Variants in TMEM135 observed in about 807,000 individuals in gnomAD.
TMEM135 encodes the protein peroxisomal membrane protein 52.
TMEM135 carries 30 observed loss-of-function variants against 60.3 expected under a neutral mutation model. The ratio of observed to expected loss-of-function variants is 0.50; its 90% CI spans 0.37 to 0.68. The LOEUF (loss-of-function observed/expected upper bound fraction) is 0.68. TMEM135 is among the 30% of genes least tolerant of loss of function. The pLI is 0.00. For synonymous variants in TMEM135, 190 were observed against 186.7 expected (o/e 1.02, Z -0.14); for missense variants, 468 against 548.8 (o/e 0.85, Z 1.47).
chr11:87,328,505 C>T lies in TMEM135; in HGVS notation c.*7172C>T, dbSNP rs1942946994. ...CAATATATAGCTTTTTATTCCTTCC[C>T]CTTCTGAGTCTCCATAGTCCATTAT... On this transcript the variant is annotated 3_prime_UTR_variant, in exon 15 of 15. Coordinates refer to ENST00000305494, the MANE Select transcript of TMEM135 (RefSeq NM_022918.4). The T allele has an allele frequency of 4.4e-6, 2 of 453,862 alleles. No individual in the cohort carries two copies. The highest frequency in any genetic ancestry group is 8.8e-6 in the Non-Finnish European group (2 of 226,754). 28.1% of individuals were successfully genotyped at this position (453,862 alleles called of 1,614,324 possible).
chr11:87,164,767 T>G (rs1200844245), intron 5 of TMEM135, among the ~76,000 whole-genome samples: 1 of 29,528 alleles, frequency 3.4e-5, no homozygotes, highest in African/African-American at 2.3e-4. Context: ...CCCTTGTAAG[T>G]TGGATTCCTA....
chr11:87,139,808 TC>T (rs1938213255), intron 4 of TMEM135, among the ~76,000 whole-genome samples: 1 of 152,216 alleles, frequency 6.6e-6, no homozygotes, highest in African/African-American at 2.4e-5. Context: ...ATATTGAACA[TC>T]TTTTTGTTGG....
chr11:87,300,283 A>G (rs1409173909), intron 7 of TMEM135, among the ~76,000 whole-genome samples: 2 of 152,246 alleles, frequency 1.3e-5, no homozygotes, highest in East Asian at 1.9e-4. Context: ...TTTGAAAATT[A>G]TCTGTGTATA....
At chr11:87,058,732 G>T (rs1221620739) in intron 1 of TMEM135, among the ~76,000 whole-genome samples, 2 of 151,988 alleles carry the variant, frequency 1.3e-5, no homozygotes, top group East Asian at 3.9e-4. Flanking sequence ...CCATTGTCCT[G>T]CCTCAGCCTC....
chr11:87,263,728 T>A (rs11235057), intron 6 of TMEM135, among the ~76,000 whole-genome samples: 53,659 of 151,946 alleles, frequency 0.35, 10,021 homozygotes, highest in Non-Finnish European at 0.42. Context: ...AAGCATTGTC[T>A]ATTTTCTGGT....
At chr11:87,069,303 A>G (rs1458225864) in intron 2 of TMEM135, among the ~76,000 whole-genome samples, 4 of 151,398 alleles carry the variant, frequency 2.6e-5, no homozygotes, top group African/African-American at 9.7e-5. Context: ...AAAAAAAAAA[A>G]AAAAAGAAGA....
At chr11:87,162,162 T>C (rs934256525) in intron 5 of TMEM135, among the ~76,000 whole-genome samples, 1 of 152,176 alleles carries the variant, frequency 6.6e-6, no homozygotes, top group Admixed American at 6.6e-5. Context: ...GGGGTTCAAT[T>C]AATTCAGAAG....
intron 6 of TMEM135, among the ~76,000 whole-genome samples, chr11:87,276,444 CTTACT>C (rs1317372954): frequency 6.6e-6 from 1 of 151,858 alleles, no homozygotes; most frequent in Non-Finnish European, 1.5e-5. Context: ...ATCAGGTCTT[CTTACT>C]TTAATCTTAG....
At chr11:87,105,628 G>A (rs1008312361) in intron 4 of TMEM135, among the ~76,000 whole-genome samples, 3 of 151,952 alleles carry the variant, frequency 2.0e-5, no homozygotes, top group Non-Finnish European at 4.4e-5. Flanking sequence ...CACTTAAATG[G>A]ATATATATTA....
intron 6 of TMEM135, among the ~76,000 whole-genome samples, chr11:87,266,159 C>T (rs1053269362): frequency 3.3e-5 from 5 of 152,136 alleles, no homozygotes; most frequent in Admixed American, 2.0e-4. Flanking sequence ...TACATATGCT[C>T]TTGAGGAGCC....
At chr11:87,215,079 C>T (rs1940467034) in intron 5 of TMEM135, among the ~76,000 whole-genome samples, 1 of 151,930 alleles carries the variant, frequency 6.6e-6, no homozygotes. Context: ...AAATTGTTTA[C>T]AGAAGGTGTC....
intron 5 of TMEM135, among the ~76,000 whole-genome samples, chr11:87,178,772 C>A (rs1453137212): frequency 6.6e-6 from 1 of 151,490 alleles, no homozygotes; most frequent in Non-Finnish European, 1.5e-5. Context: ...TTTTTTTTCC[C>A]TTTTCATGAC....
At chr11:87,039,202 T>A (rs945880663) in intron 1 of TMEM135, among the ~76,000 whole-genome samples, 26 of 152,244 alleles carry the variant, frequency 1.7e-4, no homozygotes, top group African/African-American at 6.0e-4. Context: ...TCTTGAAAAG[T>A]CTGATTATGT....
intron 5 of TMEM135, among the ~76,000 whole-genome samples, chr11:87,163,993 G>C (rs1235665107): frequency 1.4e-5 from 2 of 147,950 alleles, no homozygotes; most frequent in African/African-American, 2.5e-5. Context: ...TAGGATGCCT[G>C]TTCACTCTGA....
chr11:87,115,123 G>A (rs1565447190), intron 4 of TMEM135, among the ~76,000 whole-genome samples: 1 of 152,136 alleles, frequency 6.6e-6, no homozygotes. Flanking sequence ...AATGTATAGT[G>A]TAGATTTAAA....
In TMEM135 at chr11:87,313,503, A is replaced by G. The variant is rs184859712; in HGVS notation, c.1000+15A>G. 2.2e-3 allele frequency: 3,457 copies of G among 1,595,038 alleles called. 11 individuals are homozygous for G. The highest frequency in any genetic ancestry group is 2.3e-3 in the Non-Finnish European group (2,732 of 1,163,446). On this transcript the variant is annotated intron_variant, in intron 11 of 14. Transcript: ENST00000305494. ...TATTATAGCTGGTAAAGCAATAATAAAAATGAATGGTTATTATTGTATTAA... is the reference window on the plus strand; with the variant it reads ...TATTATAGCTGGTAAAGCAATAATAGAAATGAATGGTTATTATTGTATTAA...
intron 4 of TMEM135, among the ~76,000 whole-genome samples, chr11:87,141,072 A>G (rs1049230199): frequency 6.7e-6 from 1 of 150,038 alleles, no homozygotes; most frequent in Non-Finnish European, 1.5e-5. Context: ...TGTTATGACT[A>G]TCTTGTATCC....
intron 4 of TMEM135, among the ~76,000 whole-genome samples, chr11:87,104,012 C>G (rs1352084564): frequency 6.6e-6 from 1 of 152,040 alleles, no homozygotes; most frequent in Non-Finnish European, 1.5e-5. Flanking sequence ...ATTGCCTAGA[C>G]CAGTGCCATG....
In TMEM135 at chr11:87,247,335, G is replaced by T. The variant is rs191587866; in HGVS notation, c.509+10651G>T. 1.6e-4 allele frequency among the ~76,000 whole-genome samples: 24 copies of T among 152,332 alleles called. No individual in the cohort carries two copies. In the East Asian group the frequency reaches 4.0e-3, roughly 26 times the overall value. The stretch of plus-strand genomic sequence containing the variant: ...ACCCACTTAAGGAGGCAGTCTGCCC[G>T]TTCTCAGATCTCCAGCTGTGTGCTG... On this transcript the variant is annotated intron_variant, in intron 6 of 14. Coordinates refer to ENST00000305494, the MANE Select transcript of TMEM135 (RefSeq NM_022918.4).
Sources: gnomAD v4.1 joint callset for allele counts (sites outside exome capture counted in the v4.1 genomes callset) on GRCh38, gnomAD v4.1.1 for gene constraint, MANE v1.5 for transcripts, NCBI Gene and HGNC (gene_info 2026-07-23, HGNC 2026-07-21) for gene names.